Variants in HHIPL1 observed in about 807,000 individuals in gnomAD.
The protein encoded by HHIPL1 is HHIP-like protein 1.
In HHIPL1, 43 loss-of-function variants were observed where a neutral mutation model predicts 61.8. That is an observed-to-expected ratio of 0.70 (90% CI 0.55 to 0.90). The LOEUF is 0.90. Ranked by LOEUF, HHIPL1 falls within the 40% of genes least tolerant of loss-of-function variation. The probability of loss-of-function intolerance (pLI) is 0.00; values close to 1 mark genes in which losing one functional copy is unlikely to be tolerated. For missense variants in HHIPL1, 1,056 were observed against 1,157.7 expected (o/e 0.91, Z 1.28); for synonymous variants, 482 against 515.8 (o/e 0.93, Z 0.89).
chr14:99,611,097 A>G, the HHIPL1 span, among the ~76,000 whole-genome samples: 2 of 152,168 alleles, frequency 1.3e-5, no homozygotes, highest in Non-Finnish European at 2.9e-5. Flanking sequence ...GCATGCATAT[A>G]TTACCTTTAC....
At position 99,657,086 on chromosome 14, in the gene HHIPL1, C is replaced by T. The variant is rs765170560; in HGVS notation, c.989C>T (p.Thr330Ile). 1 of 1,613,650 alleles carries T rather than the reference C, an allele frequency of 6.2e-7. No homozygotes were observed. The highest frequency in any genetic ancestry group is 8.5e-7 in the Non-Finnish European group (1 of 1,179,806). The change falls in exon 3 of 9, where the codon ACT (threonine) becomes ATT (isoleucine). Residue 330 changes from threonine (T) to isoleucine (I), a missense_variant. Coordinates refer to ENST00000330710, the MANE Select transcript of HHIPL1 (RefSeq NM_001127258.3). ...FGDDGYLYIF[T>I]GDGGMAGDPF... is the part of the protein sequence containing the mutation. ...GATGACGGGTACCTCTACATCTTCACTGGAGATGGCGGGATGGCCGGAGAC... is the reference window on the plus strand; with the variant it reads ...GATGACGGGTACCTCTACATCTTCATTGGAGATGGCGGGATGGCCGGAGAC...
At chr14:99,636,917 C>T in the HHIPL1 span, among the ~76,000 whole-genome samples, 1 of 146,580 alleles carries the variant, frequency 6.8e-6, no homozygotes, top group East Asian at 2.0e-4. Context: ...CTGTAGTGAG[C>T]TGTGATTGCA....
Position 99,652,787 on chromosome 14 carries a change from T to TA in HHIPL1, c.820dup (p.Ile274AsnfsTer5), listed in dbSNP as rs750096744. 1.2e-6 allele frequency: 2 copies of TA among 1,614,060 alleles called. No individual in the cohort carries two copies. The highest frequency in any genetic ancestry group is 2.2e-5 in the South Asian group (2 of 91,086). ...GGCTCTACGTCTACTACTCAGTGGG[T>TA]ATCCGCAGCAGTGAGTGGATCCGCA... is the stretch of plus-strand genomic sequence containing the variant. On this transcript the variant is annotated frameshift_variant, in exon 2 of 9. Coordinates refer to ENST00000330710, the MANE Select transcript of HHIPL1 (RefSeq NM_001127258.3). LOFTEE classifies it high-confidence loss of function.
rs906076151 is a variant in HHIPL1, at chr14:99,669,192, T to G, written c.1730+889T>G. 53 of 1,257,726 alleles carry G rather than the reference T, an allele frequency of 4.2e-5. 1 individual carries two copies. Among genetic ancestry groups the G allele is most frequent in the South Asian group, 1.3e-4 (5 of 37,090 alleles). The allele number at this position is 1,257,726 out of a possible 1,614,324, so 77.9% of individuals were successfully genotyped here. On this transcript the variant is annotated intron_variant, in intron 7 of 8. Transcript: ENST00000330710. ...CAGGGCCAAGCCTGTATCTCTTCAC[T>G]CTGCAGAGGCCGCCCAGGTGCTGGG...
intron 2 of HHIPL1, among the ~76,000 whole-genome samples, chr14:99,655,952 C>T (rs2056020748): frequency 6.6e-6 from 1 of 152,206 alleles, no homozygotes; most frequent in Admixed American, 6.5e-5. Flanking sequence ...CTTCCGGAGG[C>T]AGGGCTAGAA....
At chr14:99,624,041 C>T in the HHIPL1 span, among the ~76,000 whole-genome samples, 2 of 152,334 alleles carry the variant, frequency 1.3e-5, 1 homozygote, top group South Asian at 4.1e-4. Flanking sequence ...TCTCACATTG[C>T]CTTTGAGCCC....
Position 99,677,573 on chromosome 14 carries a change from G to C in HHIPL1, c.*1947G>C, listed in dbSNP as rs1310274997. 1.3e-5 allele frequency: 2 copies of C among 152,316 alleles called. No individual in the cohort carries two copies. Among genetic ancestry groups the C allele is most frequent in the African/African-American group, 4.8e-5 (2 of 41,464 alleles). 9.4% of individuals were successfully genotyped at this position (152,316 alleles called of 1,614,324 possible). On this transcript the variant is annotated 3_prime_UTR_variant, in exon 9 of 9. Coordinates refer to ENST00000330710, the MANE Select transcript of HHIPL1 (RefSeq NM_001127258.3). The surrounding 1 kb of genome is among the most constrained non-coding windows in gnomAD (Gnocchi z 4.3). ...GACCATCCCAGCCGAATTCCTCACT[G>C]TGCAGATGAGGAAGTGAGCTCAGGG...
chr14:99,650,263 T>G (rs1468989322), intron 1 of HHIPL1, among the ~76,000 whole-genome samples: 1 of 152,168 alleles, frequency 6.6e-6, no homozygotes, highest in Non-Finnish European at 1.5e-5. Flanking sequence ...GGCCTCTTGC[T>G]GGAACCCAGC....
chr14:99,621,663 T>G, the HHIPL1 span, among the ~76,000 whole-genome samples: 10 of 151,254 alleles, frequency 6.6e-5, no homozygotes, highest in African/African-American at 9.7e-5. Context: ...AGCAAACAGA[T>G]CTCTCCATCT....
chr14:99,615,631 AAGAGAAAGAAAGGAAGAGAGAG>A, the HHIPL1 span, among the ~76,000 whole-genome samples: 2 of 130,240 alleles, frequency 1.5e-5, no homozygotes, highest in East Asian at 4.6e-4. Flanking sequence ...GAAAGGAAGA[AAGAGAAAGAAAGGAAGAGAGAG>A]AGAGAAAGAA....
In HHIPL1 at chr14:99,675,453, A is replaced by T. The variant is rs1277135123; in HGVS notation, c.2176A>T (p.Lys726Ter). The T allele has an allele frequency of 6.5e-7, 1 of 1,539,428 alleles. No homozygotes were observed. The highest frequency in any genetic ancestry group is 8.7e-7 in the Non-Finnish European group (1 of 1,145,978). Reference sequence around the variant, plus strand: ...GTTTGCCTACGCCGTGCGCGCCGTCAAGAGAGCCGAGTTCGGCCAGGGCGG... The same window carrying T: ...GTTTGCCTACGCCGTGCGCGCCGTCTAGAGAGCCGAGTTCGGCCAGGGCGG... The part of the protein sequence containing the change: ...LGFAYAVRAV[K>*]RAEFGQGGSL... Residue 726 changes from lysine (K) to a stop codon, truncating the protein, a stop_gained, in exon 9 of 9, where the codon AAG (lysine) becomes TAG (stop). Transcript: ENST00000330710. LOFTEE classifies it low-confidence loss of function (END_TRUNC). The surrounding 1 kb of genome is among the most constrained non-coding windows in gnomAD (Gnocchi z 5.4).
chr14:99,659,301 C>T, intron 3 of HHIPL1, 127 bp from the exon 4 acceptor site: 1 of 677,810 alleles, frequency 1.5e-6, no homozygotes, highest in Non-Finnish European at 2.2e-6. Flanking sequence ...GGTCTCTGGC[C>T]CCACAGCCTA....
intron 7 of HHIPL1, 75 bp from the exon 8 acceptor site, chr14:99,672,242 C>T (rs117383772): frequency 0.012 from 13,809 of 1,152,448 alleles, 200 homozygotes; most frequent in Middle Eastern, 0.06. Flanking sequence ...TCATACCTGC[C>T]TCACTGTAGA....
chr14:99,627,710 T>C, the HHIPL1 span, among the ~76,000 whole-genome samples: 1 of 152,076 alleles, frequency 6.6e-6, no homozygotes, highest in African/African-American at 2.4e-5. This position sits in a 1 kb window ranked among gnomAD's most constrained non-coding sequence, Gnocchi z 4.4. Flanking sequence ...GAGAACACAC[T>C]GAGTTGCGGG....
chr14:99,616,553 A>G, the HHIPL1 span, among the ~76,000 whole-genome samples: 2 of 152,162 alleles, frequency 1.3e-5, no homozygotes, highest in Non-Finnish European at 2.9e-5. Flanking sequence ...GAACAGTACA[A>G]GTGTGTTGTT....
At chr14:99,664,132 T>G (rs1030616988) in intron 6 of HHIPL1, among the ~76,000 whole-genome samples, 10 of 151,944 alleles carry the variant, frequency 6.6e-5, no homozygotes, top group African/African-American at 2.4e-4. Context: ...TGGCCCCGGG[T>G]TGTTCCTGGA....
rs1455344436 is a variant in HHIPL1, at chr14:99,678,441, T to C, written c.*2815T>C. ...CTGCAGAAAGGGTGCTCATCGCAGATGGAACAATAGTGAGAGGACACCTGA... is the reference window on the plus strand; with the variant it reads ...CTGCAGAAAGGGTGCTCATCGCAGACGGAACAATAGTGAGAGGACACCTGA... On this transcript the variant is annotated 3_prime_UTR_variant, in exon 9 of 9. Transcript: ENST00000330710. The C allele has an allele frequency of 1.3e-5, 2 of 152,248 alleles. No homozygotes were observed. The highest frequency in any genetic ancestry group is 1.9e-4 in the East Asian group (1 of 5,204). The allele number at this position is 152,248 out of a possible 1,614,324, so 9.4% of individuals were successfully genotyped here. A position where few individuals can be genotyped will look rare whatever the true frequency, so the allele number is the denominator to read the frequency against.
At chr14:99,632,456 C>T in the HHIPL1 span, among the ~76,000 whole-genome samples, 21 of 152,290 alleles carry the variant, frequency 1.4e-4, 1 homozygote, top group South Asian at 4.1e-4. Flanking sequence ...TCCTCCTCTC[C>T]GCTGAGAACA....
rs1457683613 is a variant in HHIPL1, at chr14:99,675,614, C to G, written c.2337C>G (p.Asn779Lys). 5 of 1,520,160 alleles carry G rather than the reference C, an allele frequency of 3.3e-6. No homozygotes were observed. The highest frequency in any genetic ancestry group is 2.0e-5 in the Admixed American group (1 of 50,432). 94.2% of individuals were successfully genotyped at this position (1,520,160 alleles called of 1,614,324 possible). A position where few individuals can be genotyped will look rare whatever the true frequency, so the allele number is the denominator to read the frequency against. The stretch of plus-strand genomic sequence containing the variant: ...CGGGCGTCGTGTGCAGCCACCAGAA[C>G]CCCGACCTGTAGGCAACACGCCGCT... ...EDAGVVCSHQ[N>K]PDL The change falls in exon 9 of 9, where the codon AAC becomes AAG. Residue 779 changes from asparagine (N) to lysine (K), a missense_variant. Transcript: ENST00000330710. The surrounding 1 kb of genome is among the most constrained non-coding windows in gnomAD (Gnocchi z 5.4).
Sources: gnomAD v4.1 joint callset for allele counts (sites outside exome capture counted in the v4.1 genomes callset) on GRCh38, gnomAD v4.1.1 for gene constraint, Gnocchi (gnomAD v3.1) non-coding constraint, MANE v1.5 for transcripts, NCBI Gene and HGNC (gene_info 2026-07-23, HGNC 2026-07-21) for gene names.